The following CADM2 variants were observed in gnomAD, a reference collection of about 807,000 sequenced individuals.
CADM2 encodes cell adhesion molecule 2.
In CADM2, 12 loss-of-function variants were observed where a neutral mutation model predicts 49.8. The observed-to-expected ratio is 0.24, with a 90% CI of 0.15 to 0.39. The LOEUF is 0.39. CADM2 is among the 10% of genes least tolerant of loss of function. The pLI, the probability that CADM2 is intolerant of heterozygous loss-of-function variation, is 1.00. For missense variants in CADM2, 378 were observed against 492.3 expected, an observed-to-expected ratio of 0.77 and a Z score of 2.20; for synonymous variants, 214 against 175.4, an observed-to-expected ratio of 1.22 and a Z score of -1.74.
At chr3:85,801,994 TTAATC>T in intron 2 of CADM2, 48 bp from the exon 3 acceptor site, 1 of 1,334,562 alleles carries the variant, frequency 7.5e-7, no homozygotes, top group Non-Finnish European at 9.9e-7. Context: ...TCTTAGGCAG[TTAATC>T]ATTTTATGAC....
chr3:85,684,726 A>G (rs2066151205), intron 1 of CADM2, among the ~76,000 whole-genome samples: 1 of 152,014 alleles, frequency 6.6e-6, no homozygotes, highest in South Asian at 2.1e-4. Flanking sequence ...AAAAGGGGAA[A>G]CCCCTTATAA....
At chr3:85,316,118 C>T (rs1366476732) in intron 1 of CADM2, among the ~76,000 whole-genome samples, 1 of 152,072 alleles carries the variant, frequency 6.6e-6, no homozygotes, top group Non-Finnish European at 1.5e-5. Flanking sequence ...AGCAAAATAA[C>T]ATGAATCATA....
chr3:85,508,285 C>T (rs550323851), intron 1 of CADM2, among the ~76,000 whole-genome samples: 2 of 152,228 alleles, frequency 1.3e-5, no homozygotes, highest in East Asian at 3.9e-4. Flanking sequence ...CATTTCCCCC[C>T]CAAAATAACC....
chr3:85,724,257 T>A (rs1465894332), intron 1 of CADM2, among the ~76,000 whole-genome samples: 1 of 151,940 alleles, frequency 6.6e-6, no homozygotes, highest in Non-Finnish European at 1.5e-5. Flanking sequence ...GTTTTAGTGA[T>A]CTCTTATTTT....
At chr3:85,500,899 A>T (rs1350110240) in intron 1 of CADM2, among the ~76,000 whole-genome samples, 1 of 148,140 alleles carries the variant, frequency 6.8e-6, no homozygotes, top group Admixed American at 6.6e-5. Flanking sequence ...CAAGGTCTTG[A>T]TTTTCAAAGG....
intron 5 of CADM2, among the ~76,000 whole-genome samples, chr3:85,889,303 A>G (rs572141070): frequency 8.9e-4 from 136 of 152,284 alleles, no homozygotes; most frequent in African/African-American, 2.9e-3. Flanking sequence ...GAATATGTCC[A>G]TACTTGGTTA....
chr3:85,494,785 C>T (rs552486933), intron 1 of CADM2, among the ~76,000 whole-genome samples: 2 of 152,134 alleles, frequency 1.3e-5, no homozygotes, highest in African/African-American at 4.8e-5. Context: ...ACCAAAGTGG[C>T]AGCATAATAA....
intron 1 of CADM2, among the ~76,000 whole-genome samples, chr3:85,248,724 A>T (rs977674608): frequency 3.3e-5 from 5 of 152,214 alleles, no homozygotes; most frequent in Non-Finnish European, 7.3e-5. Context: ...AAAATATTTA[A>T]ATCGAAAGTA....
At position 85,461,925 on chromosome 3, in the gene CADM2, A is replaced by G. The variant is rs1576598427; in HGVS notation, c.62-264597A>G. On this transcript the variant is annotated intron_variant, in intron 1 of 9. Transcript: ENST00000383699. ...AGTCTCTAATAAAAGTGTAATGGCTATCAGGGGTCCGGACTTTCGCTGTTT... is the reference window on the plus strand; with the variant it reads ...AGTCTCTAATAAAAGTGTAATGGCTGTCAGGGGTCCGGACTTTCGCTGTTT... Among the ~76,000 whole-genome samples, 3 of 152,156 alleles carry G rather than the reference A, an allele frequency of 2.0e-5. No homozygotes were observed. The South Asian group carries it at 6.2e-4, about 31-fold the overall frequency.
At chr3:85,595,823 A>G (rs937474051) in intron 1 of CADM2, among the ~76,000 whole-genome samples, 3 of 151,974 alleles carry the variant, frequency 2.0e-5, no homozygotes, top group African/African-American at 4.8e-5. Context: ...CATTAACGAG[A>G]TTTTAAAGTG....
intron 1 of CADM2, among the ~76,000 whole-genome samples, chr3:85,423,784 C>A (rs1441199885): frequency 6.6e-6 from 1 of 152,156 alleles, no homozygotes; most frequent in African/African-American, 2.4e-5. Flanking sequence ...TTATTTCCTG[C>A]ATTTTGGGTT....
chr3:85,451,662 ATTAG>A (rs1407911379), intron 1 of CADM2, among the ~76,000 whole-genome samples: 2 of 152,042 alleles, frequency 1.3e-5, no homozygotes, highest in Admixed American at 6.6e-5. Flanking sequence ...TTAGTAATTT[ATTAG>A]TTAGTGAGTG....
intron 1 of CADM2, among the ~76,000 whole-genome samples, chr3:85,301,623 T>G (rs1016754574): frequency 2.6e-5 from 4 of 152,074 alleles, no homozygotes; most frequent in African/African-American, 9.7e-5. Flanking sequence ...CATGTGATGT[T>G]ATTTACATAT....
intron 1 of CADM2, among the ~76,000 whole-genome samples, chr3:85,722,940 A>T (rs1242837392): frequency 6.6e-6 from 1 of 152,216 alleles, no homozygotes; most frequent in Admixed American, 6.5e-5. Flanking sequence ...TAAACAAATC[A>T]GTAACCTAGT....
At chr3:85,555,008 A>G (rs1375544) in intron 1 of CADM2, among the ~76,000 whole-genome samples, 77,822 of 151,526 alleles carry the variant, frequency 0.51, 23,037 homozygotes, top group East Asian at 0.85. Flanking sequence ...GAGCCACTGC[A>G]CTAGGCCCAA....
At chr3:85,693,263 A>C (rs2066440635) in intron 1 of CADM2, among the ~76,000 whole-genome samples, 1 of 151,770 alleles carries the variant, frequency 6.6e-6, no homozygotes, top group East Asian at 2.0e-4. Context: ...ACAAAAAACA[A>C]GGAAGGAAGG....
chr3:85,240,927 T>C (rs1165109916), intron 1 of CADM2, among the ~76,000 whole-genome samples: 3 of 151,564 alleles, frequency 2.0e-5, no homozygotes, highest in Non-Finnish European at 4.4e-5. Context: ...TGCATGATGA[T>C]CAAATCAGGG....
At chr3:85,883,218 G>A in intron 3 of CADM2, 73 bp from the exon 4 acceptor site, 1 of 1,247,812 alleles carries the variant, frequency 8.0e-7, no homozygotes. Flanking sequence ...GTATTGTGTT[G>A]AAAATATATA....
intron 1 of CADM2, among the ~76,000 whole-genome samples, chr3:85,286,201 T>C (rs1277084059): frequency 6.6e-6 from 1 of 152,160 alleles, no homozygotes; most frequent in Admixed American, 6.6e-5. Context: ...GGACCGGAGC[T>C]GATCTAGCTG....
Sources: gnomAD v4.1 joint callset for allele counts (sites outside exome capture counted in the v4.1 genomes callset) on GRCh38, gnomAD v4.1.1 for gene constraint, MANE v1.5 for transcripts, NCBI Gene and HGNC (gene_info 2026-07-23, HGNC 2026-07-21) for gene names.